Variants in ASTN2 observed in about 807,000 individuals in gnomAD.
The protein encoded by ASTN2 is astrotactin 2, also known as astrotactin-2.
Under a neutral mutation model 139.8 loss-of-function variants are expected in ASTN2, and 54 were observed. The observed-to-expected ratio is 0.39, with a 90% CI of 0.31 to 0.48. The LOEUF is 0.48. Ranked by LOEUF, ASTN2 falls within the 20% of genes least tolerant of loss-of-function variation. The pLI is 0.95. For missense variants in ASTN2, 1,565 were observed against 1,725.1 expected (o/e 0.91, Z 1.64); for synonymous variants, 756 against 719.5 (o/e 1.05, Z -0.81).
chr9:116,461,401 T>C (rs1244824399), intron 20 of ASTN2, among the ~76,000 whole-genome samples: 2 of 152,084 alleles, frequency 1.3e-5, no homozygotes, highest in Admixed American at 6.6e-5. Context: ...AAAATACACA[T>C]ATTTATATAC....
chr9:116,620,202 T>C lies in ASTN2; in HGVS notation c.3206+108A>G, dbSNP rs933997003. The C allele has an allele frequency of 2.1e-5, 32 of 1,512,772 alleles. No homozygotes were observed. The East Asian group carries it at 3.9e-4, about 18-fold the overall frequency. 93.7% of individuals were successfully genotyped at this position (1,512,772 alleles called of 1,614,324 possible). A position where few individuals can be genotyped will look rare whatever the true frequency, so the allele number is the denominator to read the frequency against. ...GTAGATTCCAGGGTCTTTGAGGATC[T>C]TGTTAGGCACCTTGGGAGCAGAAGC... On this transcript the variant is annotated intron_variant, in intron 18 of 22. Transcript: ENST00000313400.
chr9:117,369,937 T>C (rs1044192811), intron 1 of ASTN2, among the ~76,000 whole-genome samples: 4 of 152,070 alleles, frequency 2.6e-5, no homozygotes, highest in African/African-American at 9.7e-5. Flanking sequence ...CAGGCCCAGG[T>C]TGCCTCTTTA....
intron 16 of ASTN2, among the ~76,000 whole-genome samples, chr9:116,690,384 G>C (rs1860504116): frequency 6.6e-6 from 1 of 152,188 alleles, no homozygotes; most frequent in Non-Finnish European, 1.5e-5. Flanking sequence ...ACCCAGTTCT[G>C]TCTTACACCT....
rs117175287 is a variant in ASTN2 at position 117,385,471 on chromosome 9, G to A, written c.442+29026C>T. 3.2e-3 allele frequency among the ~76,000 whole-genome samples: 480 copies of A among 152,308 alleles called. 3 individuals carry two copies. The highest frequency in any genetic ancestry group is 4.3e-3 in the Non-Finnish European group (292 of 68,028). On this transcript the variant is annotated intron_variant, in intron 1 of 22. Transcript: ENST00000313400. ...GAGAACAAGGGGAGGCAAGGGGAGG[G>A]GAAGGCTAGGTGGAAAAGATTTCCC...
chr9:117,329,170 C>A (rs1828618614), intron 1 of ASTN2, among the ~76,000 whole-genome samples: 1 of 141,256 alleles, frequency 7.1e-6, no homozygotes. Flanking sequence ...ACCTACTGCA[C>A]TTCCAAGTTC....
At chr9:116,810,106 G>A (rs959301440) in intron 12 of ASTN2, among the ~76,000 whole-genome samples, 3 of 152,164 alleles carry the variant, frequency 2.0e-5, no homozygotes, top group Admixed American at 1.3e-4. Flanking sequence ...CAAGCTTCTG[G>A]TTGGGGGAGG....
In ASTN2 at chr9:116,425,557, C is replaced by A. The variant is rs772907832; in HGVS notation, c.*294G>T. 1.9e-6 allele frequency: 3 copies of A among 1,612,752 alleles called. No individual in the cohort carries two copies. The East Asian group carries it at 6.7e-5, about 36-fold the overall frequency. ...CTTGGTCTCCACCTGAAAACTTCTG[C>A]CTCGGGATTGACAGCCATCCATAAG... is the stretch of plus-strand genomic sequence containing the variant. On this transcript the variant is annotated 3_prime_UTR_variant, in exon 23 of 23. Coordinates refer to ENST00000313400, the MANE Select transcript of ASTN2 (RefSeq NM_001365068.1).
chr9:116,975,212 C>T lies in ASTN2; in HGVS notation c.1885G>A (p.Val629Ile). Residue 629 changes from valine (V) to isoleucine (I), a missense_variant, in exon 10 of 23, where the codon GTC (valine) becomes ATC (isoleucine). Coordinates refer to ENST00000313400, the MANE Select transcript of ASTN2 (RefSeq NM_001365068.1). ...GTACTGGAGATGATTCCCTACCTGACATCTGCAGGGTCTTCCGTGACGAGC... is the reference window on the plus strand; with the variant it reads ...GTACTGGAGATGATTCCCTACCTGATATCTGCAGGGTCTTCCGTGACGAGC... ...DVLVTEDPAD[V>I]REEAMLSTYF... 3 of 1,608,264 alleles carry T rather than the reference C, an allele frequency of 1.9e-6. No homozygotes were observed. Among genetic ancestry groups the T allele is most frequent in the Non-Finnish European group, 2.5e-6 (3 of 1,177,462 alleles).
At chr9:117,229,553 G>A (rs182058220) in intron 2 of ASTN2, among the ~76,000 whole-genome samples, 5 of 152,320 alleles carry the variant, frequency 3.3e-5, no homozygotes, top group Admixed American at 2.6e-4. Context: ...GACAGCATTT[G>A]AAGCACTCAT....
chr9:116,838,372 A>G (rs950338865), intron 11 of ASTN2, among the ~76,000 whole-genome samples: 18 of 151,552 alleles, frequency 1.2e-4, no homozygotes, highest in African/African-American at 4.1e-4. Context: ...AGCACTCCCA[A>G]AGTACTGGGA....
At chr9:117,180,370 C>T (rs977937) in intron 3 of ASTN2, among the ~76,000 whole-genome samples, 83,733 of 151,928 alleles carry the variant, frequency 0.55, 23,126 homozygotes, top group East Asian at 0.67. Context: ...CTACAATGTT[C>T]TCTCCCTGTT....
chr9:117,241,670 G>A lies in ASTN2; in HGVS notation c.631-26928C>T, dbSNP rs531245467. Among the ~76,000 whole-genome samples, 39 of 152,196 alleles carry A rather than the reference G, an allele frequency of 2.6e-4. No homozygotes were observed. In the South Asian group the frequency reaches 7.3e-3, roughly 28 times the overall value. ...AGAGCTCAGGCAGAAATGCTCATTC[G>A]CCCACCAGTGGCTCAAATCATGTGG... is the stretch of plus-strand genomic sequence containing the variant. On this transcript the variant is annotated intron_variant, in intron 2 of 22. Coordinates refer to ENST00000313400, the MANE Select transcript of ASTN2 (RefSeq NM_001365068.1).
rs577964514 is a variant in ASTN2 at position 116,845,190 on chromosome 9, A to G, written c.2040+18393T>C. 3.4e-4 allele frequency among the ~76,000 whole-genome samples: 52 copies of G among 152,124 alleles called. No individual in the cohort carries two copies. In the South Asian group the frequency reaches 7.5e-3, roughly 22 times the overall value. On this transcript the variant is annotated intron_variant, in intron 11 of 22. Coordinates refer to ENST00000313400, the MANE Select transcript of ASTN2 (RefSeq NM_001365068.1). Reference sequence around the variant, plus strand: ...AGTGTGGTGGTGCGATCTCGGCTCAATGCAAGCTCCACCTCCCGGGTTCAC... The same window carrying G: ...AGTGTGGTGGTGCGATCTCGGCTCAGTGCAAGCTCCACCTCCCGGGTTCAC...
chr9:117,025,930 A>G (rs1258774101), intron 6 of ASTN2, among the ~76,000 whole-genome samples: 1 of 150,514 alleles, frequency 6.6e-6, no homozygotes, highest in African/African-American at 2.4e-5. Flanking sequence ...TAGCTGGACT[A>G]TTTTTTGTAT....
chr9:117,046,482 T>C (rs1398481285), intron 5 of ASTN2, among the ~76,000 whole-genome samples: 1 of 152,194 alleles, frequency 6.6e-6, no homozygotes, highest in African/African-American at 2.4e-5. Context: ...ATTACAGCAC[T>C]AAGCACCATG....
intron 5 of ASTN2, among the ~76,000 whole-genome samples, chr9:117,071,757 G>C (rs150047237): frequency 6.6e-6 from 1 of 150,632 alleles, no homozygotes; most frequent in Non-Finnish European, 1.5e-5. Flanking sequence ...ATACTCGGGT[G>C]GGAGTGACCC....
chr9:116,566,695 T>C (rs1853250382), intron 19 of ASTN2, among the ~76,000 whole-genome samples: 1 of 152,308 alleles, frequency 6.6e-6, no homozygotes, highest in Non-Finnish European at 1.5e-5. Flanking sequence ...ACCCTGCATC[T>C]GCACTGAGGA....
chr9:116,572,673 C>A (rs1320419513), intron 19 of ASTN2, among the ~76,000 whole-genome samples: 2 of 152,136 alleles, frequency 1.3e-5, no homozygotes, highest in Admixed American at 6.5e-5. Flanking sequence ...CAGCTATTCC[C>A]AATTTATGTT....
At chr9:116,938,415 T>C (rs1055008611) in intron 10 of ASTN2, among the ~76,000 whole-genome samples, 1 of 152,184 alleles carries the variant, frequency 6.6e-6, no homozygotes, top group Non-Finnish European at 1.5e-5. Context: ...TCCGAAATCA[T>C]GCACCTCCAG....
Sources: gnomAD v4.1 joint callset for allele counts (sites outside exome capture counted in the v4.1 genomes callset) on GRCh38, gnomAD v4.1.1 for gene constraint, MANE v1.5 for transcripts, NCBI Gene and HGNC (gene_info 2026-07-23, HGNC 2026-07-21) for gene names.